Variants in LINGO2 observed in about 807,000 individuals in gnomAD.
The protein encoded by LINGO2 is leucine rich repeat and Ig domain containing 2, also known as leucine-rich repeat and immunoglobulin-like domain-containing nogo receptor-interacting protein 2.
A neutral mutation model predicts 30.6 loss-of-function variants in LINGO2; 14 were observed. The ratio of observed to expected loss-of-function variants is 0.46; its 90% confidence interval spans 0.30 to 0.72. LINGO2 has a LOEUF of 0.72. Ranked by LOEUF, LINGO2 falls within the 30% of genes least tolerant of loss-of-function variation. LINGO2 has a pLI of 0.07. For synonymous variants in LINGO2, 317 were observed against 288.5 expected, an observed-to-expected ratio of 1.10 and a Z score of -1.00; for missense variants, 729 against 751.7, an observed-to-expected ratio of 0.97 and a Z score of 0.35.
At chr9:28,812,051 T>A in the LINGO2 span, among the ~76,000 whole-genome samples, 1 of 151,142 alleles carries the variant, frequency 6.6e-6, no homozygotes, top group Non-Finnish European at 1.5e-5. Flanking sequence ...AGTTTTAACC[T>A]TTGGCTTCAT....
At chr9:28,759,598 C>G in the LINGO2 span, among the ~76,000 whole-genome samples, 6 of 151,552 alleles carry the variant, frequency 4.0e-5, 1 homozygote, top group African/African-American at 1.5e-4. Flanking sequence ...AGGAGAATGG[C>G]GTGAACCCGG....
chr9:28,787,605 G>A, the LINGO2 span, among the ~76,000 whole-genome samples: 1 of 152,064 alleles, frequency 6.6e-6, no homozygotes, highest in Non-Finnish European at 1.5e-5. Context: ...AGGGAAAAAA[G>A]TGTCTTTTAC....
chr9:28,534,434 C>T (rs1296799633), intron 1 of LINGO2, among the ~76,000 whole-genome samples: 2 of 152,312 alleles, frequency 1.3e-5, no homozygotes, highest in Non-Finnish European at 2.9e-5. Flanking sequence ...CCCAGGAGTA[C>T]ATTTGGATCC....
At chr9:28,233,107 TG>T (rs1365512102) in intron 4 of LINGO2, among the ~76,000 whole-genome samples, 48 of 144,626 alleles carry the variant, frequency 3.3e-4, no homozygotes, top group Non-Finnish European at 5.4e-4. Context: ...TATATGTGTG[TG>T]GGGGGGTCTA....
the LINGO2 span, among the ~76,000 whole-genome samples, chr9:29,062,031 A>C: frequency 1.3e-5 from 2 of 152,122 alleles, no homozygotes; most frequent in African/African-American, 4.8e-5. Context: ...ACATTTCTTC[A>C]AAACAGATAC....
At chr9:29,000,570 G>A in the LINGO2 span, among the ~76,000 whole-genome samples, 1 of 151,896 alleles carries the variant, frequency 6.6e-6, no homozygotes, top group African/African-American at 2.4e-5. Context: ...CTCTAGTCAT[G>A]AAGTTAGTGT....
the LINGO2 span, among the ~76,000 whole-genome samples, chr9:29,180,040 T>C: frequency 6.6e-5 from 10 of 152,110 alleles, no homozygotes; most frequent in African/African-American, 2.4e-5. Flanking sequence ...TTCAAAAAGA[T>C]CAGTAAGTAG....
At chr9:28,466,578 T>C (rs1025795563) in intron 2 of LINGO2, among the ~76,000 whole-genome samples, 1 of 152,264 alleles carries the variant, frequency 6.6e-6, no homozygotes, top group East Asian at 1.9e-4. Context: ...TTGTACATTT[T>C]GAAATAAATG....
intron 4 of LINGO2, among the ~76,000 whole-genome samples, chr9:28,158,902 G>T (rs1376218894): frequency 6.6e-6 from 1 of 152,170 alleles, no homozygotes; most frequent in Non-Finnish European, 1.5e-5. Context: ...ACTGAAAAAG[G>T]ACTATTTTGA....
the LINGO2 span, among the ~76,000 whole-genome samples, chr9:28,698,836 G>A: frequency 1.3e-5 from 2 of 151,930 alleles, no homozygotes; most frequent in Non-Finnish European, 2.9e-5. Flanking sequence ...GAGGCCCAGA[G>A]TTCAAGACCA....
chr9:28,617,605 C>A (rs542670221), intron 1 of LINGO2, among the ~76,000 whole-genome samples: 1 of 152,056 alleles, frequency 6.6e-6, no homozygotes, highest in African/African-American at 2.4e-5. Flanking sequence ...AATAACATTT[C>A]TAATTTATTA....
chr9:29,065,237 G>A, the LINGO2 span, among the ~76,000 whole-genome samples: 1 of 152,074 alleles, frequency 6.6e-6, no homozygotes, highest in Admixed American at 6.6e-5. Flanking sequence ...TAATTATTCT[G>A]TTATTTTATT....
At chr9:28,512,634 TATACACAC>T (rs1564256097) in intron 1 of LINGO2, among the ~76,000 whole-genome samples, 18 of 6,444 alleles carry the variant, frequency 2.8e-3, no homozygotes, top group African/African-American at 5.1e-3. Context: ...TATATATATA[TATACACAC>T]ATACATACAC....
the LINGO2 span, among the ~76,000 whole-genome samples, chr9:29,097,227 C>T: frequency 7.2e-6 from 1 of 138,242 alleles, no homozygotes; most frequent in African/African-American, 2.7e-5. Flanking sequence ...AAGCAATCTC[C>T]CTTATCTCAC....
the LINGO2 span, among the ~76,000 whole-genome samples, chr9:28,976,320 G>A: frequency 6.6e-6 from 1 of 151,980 alleles, no homozygotes; most frequent in African/African-American, 2.4e-5. Flanking sequence ...TTTTCTCTTT[G>A]TGCCTAATGT....
intron 4 of LINGO2, among the ~76,000 whole-genome samples, chr9:28,169,107 C>T (rs187483432): frequency 2.2e-4 from 34 of 152,252 alleles, no homozygotes; most frequent in Admixed American, 6.5e-4. Flanking sequence ...GATTAATATA[C>T]GGACTAAATA....
At chr9:28,688,040 T>C in the LINGO2 span, among the ~76,000 whole-genome samples, 1 of 152,094 alleles carries the variant, frequency 6.6e-6, no homozygotes, top group Non-Finnish European at 1.5e-5. Flanking sequence ...TTGAAAAAGC[T>C]CTAAAAATTT....
At chr9:28,555,444 C>A (rs1309701221) in intron 1 of LINGO2, among the ~76,000 whole-genome samples, 1 of 151,360 alleles carries the variant, frequency 6.6e-6, no homozygotes, top group African/African-American at 2.4e-5. Context: ...AAGACTAAAC[C>A]AGGAAGCAGT....
chr9:28,237,738 C>T (rs905031027), intron 4 of LINGO2, among the ~76,000 whole-genome samples: 1 of 151,960 alleles, frequency 6.6e-6, no homozygotes, highest in Non-Finnish European at 1.5e-5. Context: ...GCCTGTAATC[C>T]CAGCTACTCG....
Sources: allele counts gnomAD v4.1 joint callset (sites outside exome capture counted in the v4.1 genomes callset), GRCh38; gene constraint gnomAD v4.1.1; transcripts MANE v1.5; gene names NCBI Gene and HGNC (gene_info 2026-07-23, HGNC 2026-07-21).